Variants in DCLK1 observed in about 807,000 individuals in gnomAD.
DCLK1 encodes serine/threonine-protein kinase DCLK1.
A neutral mutation model predicts 86.2 loss-of-function variants in DCLK1; 16 were observed. The ratio of observed to expected loss-of-function variants is 0.19; its 90% confidence interval spans 0.13 to 0.28. The LOEUF is 0.28. DCLK1 is among the 10% of genes least tolerant of loss of function. The pLI, the probability that DCLK1 is intolerant of heterozygous loss-of-function variation, is 1.00. For missense variants in DCLK1, 590 were observed against 940.2 expected, an observed-to-expected ratio of 0.63 and a Z score of 4.87; for synonymous variants, 369 against 370.5, an observed-to-expected ratio of 1.00 and a Z score of 0.05.
intron 4 of DCLK1, among the ~76,000 whole-genome samples, chr13:35,911,855 G>T (rs1245514543): frequency 6.6e-6 from 1 of 152,158 alleles, no homozygotes; most frequent in Non-Finnish European, 1.5e-5. Flanking sequence ...CCAGCAGTGG[G>T]CTGATTGTTT....
chr13:36,103,853 T>C (rs922750960), intron 3 of DCLK1, among the ~76,000 whole-genome samples: 1 of 152,212 alleles, frequency 6.6e-6, no homozygotes, highest in Admixed American at 6.5e-5. Context: ...AATTTTTATA[T>C]CCATGGGACA....
chr13:35,791,509 G>A (rs374922181), intron 16 of DCLK1, among the ~76,000 whole-genome samples: 5 of 152,116 alleles, frequency 3.3e-5, no homozygotes, highest in African/African-American at 1.2e-4. Context: ...AAATACTAAT[G>A]AGTGTTTTAA....
chr13:36,052,497 A>G (rs1883160841), intron 3 of DCLK1, among the ~76,000 whole-genome samples: 1 of 152,146 alleles, frequency 6.6e-6, no homozygotes, highest in African/African-American at 2.4e-5. Context: ...TAGGTTGATA[A>G]TTCATTCATT....
intron 4 of DCLK1, among the ~76,000 whole-genome samples, chr13:35,931,438 C>T (rs1876425537): frequency 6.6e-6 from 1 of 152,168 alleles, no homozygotes. Flanking sequence ...GAGAGTTCAG[C>T]TGGCCAAAAG....
In DCLK1 at chr13:36,123,688, A is replaced by T. The variant is rs1413703624; in HGVS notation, c.376+2074T>A. The stretch of plus-strand genomic sequence containing the variant: ...TACCTTCCTTTTCTCACCTTAATAT[A>T]AGGATAACAGTTCCCACCTCCTAGG... On this transcript the variant is annotated intron_variant, in intron 2 of 16. Coordinates refer to ENST00000360631, the MANE Select transcript of DCLK1 (RefSeq NM_001330071.2). Among the ~76,000 whole-genome samples, 27 of 152,236 alleles carry T rather than the reference A, an allele frequency of 1.8e-4. 1 individual carries two copies. Among genetic ancestry groups the T allele is most frequent in the Admixed American group, 1.8e-3 (27 of 15,290 alleles).
intron 3 of DCLK1, among the ~76,000 whole-genome samples, chr13:36,035,515 T>C (rs1168228411): frequency 2.0e-5 from 3 of 152,182 alleles, no homozygotes; most frequent in African/African-American, 7.2e-5. Flanking sequence ...AATCTAATTA[T>C]TTATTTAACA....
chr13:36,120,887 C>T (rs777964069), intron 2 of DCLK1, among the ~76,000 whole-genome samples: 10 of 152,138 alleles, frequency 6.6e-5, no homozygotes, highest in South Asian at 4.1e-4. Flanking sequence ...GATAGAGAAA[C>T]GGCCACTTTC....
intron 2 of DCLK1, among the ~76,000 whole-genome samples, chr13:36,117,405 G>T (rs1885827167): frequency 6.6e-6 from 1 of 152,016 alleles, no homozygotes; most frequent in African/African-American, 2.4e-5. Context: ...TATTATAATT[G>T]CAACAAAAGA....
chr13:35,903,354 C>T lies in DCLK1; in HGVS notation c.824-32014G>A, dbSNP rs547080720. Reference sequence around the variant, plus strand: ...CACTGCTTACAGAAACCTTGCTAGACAACTAATTGAACAGTTTTCTAACCT... The same window carrying T: ...CACTGCTTACAGAAACCTTGCTAGATAACTAATTGAACAGTTTTCTAACCT... On this transcript the variant is annotated intron_variant, in intron 4 of 16. Transcript: ENST00000360631. 1.1e-3 allele frequency among the ~76,000 whole-genome samples: 161 copies of T among 152,336 alleles called. 1 individual carries two copies. Among genetic ancestry groups the T allele is most frequent in the African/African-American group, 3.6e-3 (148 of 41,576 alleles).
At chr13:35,781,665 TCA>T (rs1179674038) in intron 16 of DCLK1, among the ~76,000 whole-genome samples, 1 of 152,320 alleles carries the variant, frequency 6.6e-6, no homozygotes, top group East Asian at 1.9e-4. Flanking sequence ...TTGCTAGCCA[TCA>T]CATATAGTCT....
At chr13:35,921,786 T>C (rs944652397) in intron 4 of DCLK1, among the ~76,000 whole-genome samples, 2 of 151,958 alleles carry the variant, frequency 1.3e-5, no homozygotes, top group African/African-American at 4.8e-5. Context: ...TTTGGCAAGA[T>C]ATATTATGGG....
At chr13:36,057,178 CTG>C (rs1222700243) in intron 3 of DCLK1, among the ~76,000 whole-genome samples, 1 of 152,066 alleles carries the variant, frequency 6.6e-6, no homozygotes, top group African/African-American at 2.4e-5. Flanking sequence ...GATGATGACT[CTG>C]TAAACCACAT....
At chr13:35,946,877 C>A (rs991512122) in intron 4 of DCLK1, among the ~76,000 whole-genome samples, 1 of 152,160 alleles carries the variant, frequency 6.6e-6, no homozygotes, top group Non-Finnish European at 1.5e-5. Context: ...GCTAACTTCT[C>A]TTTTCTGATA....
chr13:36,021,243 TAAA>T (rs36052794), intron 3 of DCLK1, among the ~76,000 whole-genome samples: 4 of 149,210 alleles, frequency 2.7e-5, no homozygotes, highest in Admixed American at 6.7e-5. Flanking sequence ...ATAAAAATAA[TAAA>T]AAAAAAAAGT....
chr13:36,015,218 T>A (rs553083119), intron 3 of DCLK1, among the ~76,000 whole-genome samples: 1 of 152,300 alleles, frequency 6.6e-6, no homozygotes, highest in Admixed American at 6.5e-5. Flanking sequence ...CCATCTCTCA[T>A]CTGCAATGAG....
intron 3 of DCLK1, among the ~76,000 whole-genome samples, chr13:35,958,131 A>ACTGTAACCATCACCACCATCACCG (rs1555352807): frequency 4.0e-5 from 2 of 49,692 alleles, no homozygotes; most frequent in East Asian, 5.0e-4. Context: ...CACTACCACT[A>ACTGTAACCATCACCACCATCACCG]CTATAACCAC....
intron 16 of DCLK1, among the ~76,000 whole-genome samples, chr13:35,779,804 C>T (rs1241974765): frequency 6.6e-6 from 1 of 152,070 alleles, no homozygotes; most frequent in South Asian, 2.1e-4. Flanking sequence ...TTTGTGGCTA[C>T]AAAATTAACT....
intron 5 of DCLK1, chr13:35,868,978 A>G (rs1872059238): frequency 2.6e-6 from 1 of 385,322 alleles, no homozygotes; most frequent in Non-Finnish European, 5.2e-6. Context: ...TTTAGTAGAG[A>G]TGGGGTTTCA....
At chr13:36,002,020 G>T (rs187906737) in intron 3 of DCLK1, among the ~76,000 whole-genome samples, 1 of 148,070 alleles carries the variant, frequency 6.8e-6, no homozygotes, top group African/African-American at 2.6e-5. Flanking sequence ...TGATGAAGTT[G>T]GGTTAAAAAA....
Sources: gnomAD v4.1 joint callset for allele counts (sites outside exome capture counted in the v4.1 genomes callset) on GRCh38, gnomAD v4.1.1 for gene constraint, MANE v1.5 for transcripts, NCBI Gene and HGNC (gene_info 2026-07-23, HGNC 2026-07-21) for gene names.